Variants in AHRR observed in about 807,000 individuals in gnomAD.
AHRR encodes the protein aryl hydrocarbon receptor repressor, also known as ahR repressor.
AHRR carries 28 observed loss-of-function variants against 44.0 expected under a neutral mutation model. That is an observed-to-expected ratio of 0.64 (90% CI 0.47 to 0.87). The LOEUF is 0.87. Among genes scored for constraint, AHRR ranks in the 40% least tolerant of loss-of-function variants. The pLI is 0.00. For synonymous variants in AHRR, 434 were observed against 407.0 expected (o/e 1.07, Z -0.80); for missense variants, 990 against 953.9 (o/e 1.04, Z -0.50).
At chr5:416,818 CTT>C (rs997058349) in intron 5 of AHRR, among the ~76,000 whole-genome samples, 115 of 152,352 alleles carry the variant, frequency 7.5e-4, no homozygotes, top group African/African-American at 2.7e-3. Flanking sequence ...GGCTCGATGA[CTT>C]TGTCAACTTA....
Position 408,699 on chromosome 5 carries a change from A to G in AHRR, c.352-4645A>G, listed in dbSNP as rs1190878340. ...TTAAGTGTCAATGTTATACTTCTTA[A>G]AAAGGACTACAAATTTTCCTTCACT... On this transcript the variant is annotated intron_variant, in intron 4 of 10. Transcript: ENST00000684583. 4.6e-5 allele frequency among the ~76,000 whole-genome samples: 7 copies of G among 152,158 alleles called. No homozygotes were observed. The East Asian group carries it at 1.3e-3, about 29-fold the overall frequency.
At chr5:403,850 G>A (rs1735138619) in intron 4 of AHRR, 3 of 1,574,852 alleles carry the variant, frequency 1.9e-6, no homozygotes, top group Non-Finnish European at 1.7e-6. Context: ...AAAGGACAAA[G>A]AACCCACATT....
Position 383,102 on chromosome 5 carries a change from C to G in AHRR, c.351+6386C>G, listed in dbSNP as rs1734048275. Among the ~76,000 whole-genome samples, 1 of 152,158 alleles carries G rather than the reference C, an allele frequency of 6.6e-6. No homozygotes were observed. The highest frequency in any genetic ancestry group is 1.5e-5 in the Non-Finnish European group (1 of 68,020). On this transcript the variant is annotated intron_variant, in intron 4 of 10. Transcript: ENST00000684583. The surrounding 1 kb of genome is among the most constrained non-coding windows in gnomAD (Gnocchi z 4.0). ...GTATCCTGATGCTATTGAATTCTGGCTCAATTTTGTTATGGTCAGAGAATA... is the reference window on the plus strand; with the variant it reads ...GTATCCTGATGCTATTGAATTCTGGGTCAATTTTGTTATGGTCAGAGAATA...
chr5:423,930 T>C lies in AHRR; in HGVS notation c.661T>C (p.Phe221Leu). Residue 221 changes from phenylalanine (F) to leucine (L), a missense_variant, in exon 7 of 11, where the codon TTC (phenylalanine) becomes CTC (leucine). Physicochemically the swap from Phe to Leu is conservative, Grantham distance 22. Transcript: ENST00000684583. ...GTACTCGGCCTTCCTGACCCGCTGC[T>C]TCATCTGCCGTGTGCGCTGCCTGCT... ...TEYSAFLTRC[F>L]ICRVRCLLDS... 4 of 1,602,612 alleles carry C rather than the reference T, an allele frequency of 2.5e-6. No homozygotes were observed. The highest frequency in any genetic ancestry group is 3.4e-6 in the Non-Finnish European group (4 of 1,179,888).
intron 5 of AHRR, among the ~76,000 whole-genome samples, chr5:414,030 C>G (rs1023412657): frequency 2.6e-5 from 4 of 152,140 alleles, no homozygotes; most frequent in African/African-American, 9.7e-5. Context: ...TTTGGGAGGC[C>G]GAGGCGGGTG....
At chr5:336,537 C>T (rs7716752) in intron 1 of AHRR, among the ~76,000 whole-genome samples, 15,223 of 152,220 alleles carry the variant, frequency 0.1, 2,452 homozygotes, top group African/African-American at 0.34. Context: ...CTATGCTGGA[C>T]ACTAGACCCT....
intron 3 of AHRR, among the ~76,000 whole-genome samples, chr5:361,549 A>G (rs1743186148): frequency 6.6e-6 from 1 of 152,156 alleles, no homozygotes; most frequent in Non-Finnish European, 1.5e-5. Context: ...TGGATTTCGG[A>G]GAGTGGGGCC....
At chr5:421,391 C>A in intron 5 of AHRR, 1 of 591,592 alleles carries the variant, frequency 1.7e-6, no homozygotes, top group Non-Finnish European at 3.1e-6. Context: ...AGCCCCCACA[C>A]GGAGGGCGGC....
intron 8 of AHRR, among the ~76,000 whole-genome samples, chr5:429,481 G>GCCCTGCCCCAGC (rs1553989292): frequency 6.6e-6 from 1 of 152,156 alleles, no homozygotes; most frequent in Non-Finnish European, 1.5e-5. Context: ...GTCTGGGCCG[G>GCCCTGCCCCAGC]CCCTGCCCCT....
chr5:427,954 G>C lies in AHRR; in HGVS notation c.856G>C (p.Ala286Pro). Residue 286 changes from alanine (A) to proline (P), a missense_variant, in exon 8 of 11, where the codon GCG becomes CCG. Coordinates refer to ENST00000684583, the MANE Select transcript of AHRR (RefSeq NM_001377236.1). ...CGCAGCGGAGATGAAAATGAGGAGC[G>C]CGCTCCTGAGGGCAAAACCCAGAGC... ...PSAAEMKMRS[A>P]LLRAKPRADT... 6.2e-7 allele frequency: 1 copy of C among 1,613,978 alleles called. No individual in the cohort carries two copies. The highest frequency in any genetic ancestry group is 1.6e-4 in the Middle Eastern group (1 of 6,062).
chr5:409,967 G>A (rs1735407895), intron 4 of AHRR, among the ~76,000 whole-genome samples: 1 of 152,020 alleles, frequency 6.6e-6, no homozygotes, highest in Non-Finnish European at 1.5e-5. Flanking sequence ...TAGGAGTTGG[G>A]GTTCATTTTT....
rs1735206579 is a variant in AHRR, at chr5:405,257, T to G, written c.352-8087T>G. On this transcript the variant is annotated intron_variant, in intron 4 of 10. Transcript: ENST00000684583. This position sits in a 1 kb window ranked among gnomAD's most constrained non-coding sequence, Gnocchi z 4.5. ...CCTCTTCCTCGGAGCTGCACGGGAATGAAAATGTACAAATACCATGGTTCA... is the reference window on the plus strand; with the variant it reads ...CCTCTTCCTCGGAGCTGCACGGGAAGGAAAATGTACAAATACCATGGTTCA... 6.6e-6 allele frequency among the ~76,000 whole-genome samples: 1 copy of G among 152,070 alleles called. No homozygotes were observed. Among genetic ancestry groups the G allele is most frequent in the Admixed American group, 6.5e-5 (1 of 15,274 alleles).
intron 4 of AHRR, among the ~76,000 whole-genome samples, chr5:401,608 G>A (rs115806024): frequency 5.7e-4 from 87 of 152,352 alleles, no homozygotes; most frequent in African/African-American, 2.0e-3. Context: ...AGCCAGGGCA[G>A]GCGGATGCGG....
At chr5:402,979 T>TA (rs1735081107) in intron 4 of AHRR, among the ~76,000 whole-genome samples, 1 of 151,972 alleles carries the variant, frequency 6.6e-6, no homozygotes, top group South Asian at 2.1e-4. Context: ...ATGTGGAATC[T>TA]AAAAAAGTGG....
chr5:423,317 C>T (rs753533571), intron 6 of AHRR, among the ~76,000 whole-genome samples: 1 of 152,190 alleles, frequency 6.6e-6, no homozygotes, highest in Non-Finnish European at 1.5e-5. Flanking sequence ...TTGCTCTCAA[C>T]CTCCCTGTGG....
In AHRR at chr5:432,919, C is replaced by A; in HGVS notation, c.1084C>A (p.Leu362Ile). 2 of 1,612,040 alleles carry A rather than the reference C, an allele frequency of 1.2e-6. No individual in the cohort carries two copies. The highest frequency in any genetic ancestry group is 4.5e-5 in the East Asian group (2 of 44,860). Reference protein sequence around the residue: ...PCLCLRGGPDLVLDPKGGSGD... With the variant: ...PCLCLRGGPDIVLDPKGGSGD... The stretch of plus-strand genomic sequence containing the variant: ...CCTGTGCCTCCGGGGTGGCCCTGAC[C>A]TTGTCCTTGACCCCAAGGGGGGCTC... Residue 362 changes from leucine to isoleucine, a missense_variant, in exon 10 of 11, where the codon CTT (leucine) becomes ATT (isoleucine). Coordinates refer to ENST00000684583, the MANE Select transcript of AHRR (RefSeq NM_001377236.1).
At position 435,299 on chromosome 5, in the gene AHRR, C is replaced by T. The variant is rs540487639; in HGVS notation, c.*465C>T. On this transcript the variant is annotated 3_prime_UTR_variant, in exon 11 of 11. Coordinates refer to ENST00000684583, the MANE Select transcript of AHRR (RefSeq NM_001377236.1). ...GGGTGACACACCTAGCTCAGCCCTCCCAGGCCACCTGCAGCTCCCAGCCTG... is the reference window on the plus strand; with the variant it reads ...GGGTGACACACCTAGCTCAGCCCTCTCAGGCCACCTGCAGCTCCCAGCCTG... The T allele has an allele frequency of 1.1e-5, 2 of 182,808 alleles. No homozygotes were observed. Among genetic ancestry groups the T allele is most frequent in the African/African-American group, 4.7e-5 (2 of 42,516 alleles). 11.3% of individuals were successfully genotyped at this position (182,808 alleles called of 1,614,324 possible).
chr5:418,340 A>G (rs1013824954), intron 5 of AHRR, among the ~76,000 whole-genome samples: 1 of 152,204 alleles, frequency 6.6e-6, no homozygotes, highest in African/African-American at 2.4e-5. Flanking sequence ...AAAGATTAAG[A>G]AAGACTTAGG....
intron 2 of AHRR, among the ~76,000 whole-genome samples, chr5:350,671 C>T (rs1230780085): frequency 2.0e-5 from 3 of 152,026 alleles, no homozygotes; most frequent in African/African-American, 2.4e-5. Flanking sequence ...CCCCTCCAGC[C>T]AGGGGATGCC....
Sources: gnomAD v4.1 joint callset for allele counts (sites outside exome capture counted in the v4.1 genomes callset) on GRCh38, gnomAD v4.1.1 for gene constraint, Gnocchi (gnomAD v3.1) non-coding constraint, MANE v1.5 for transcripts, NCBI Gene and HGNC (gene_info 2026-07-23, HGNC 2026-07-21) for gene names.